The following EMD variants were observed in gnomAD, a reference collection of about 807,000 sequenced individuals.
EMD encodes the protein LEM domain containing 5.
EMD carries 2 observed loss-of-function variants against 15.2 expected under a neutral mutation model. The ratio of observed to expected loss-of-function variants is 0.13; its 90% CI spans 0.05 to 0.41. EMD has a LOEUF of 0.41. Among genes scored for constraint, EMD ranks in the 10% least tolerant of loss-of-function variants. EMD has a pLI of 0.99. For missense variants in EMD, 224 were observed against 213.4 expected (o/e 1.05, Z -0.31); for synonymous variants, 122 against 86.2 (o/e 1.42, Z -2.30).
rs374981936 is a variant in EMD, at chrX:154,381,030, T to C, written c.598T>C (p.Trp200Arg). Residue 200 changes from tryptophan to arginine, a missense_variant, in exon 6 of 6, where the codon TGG becomes CGG. Coordinates refer to ENST00000369842, the MANE Select transcript of EMD (RefSeq NM_000117.3). The part of the protein sequence containing the change: ...FMSSSSSSSS[W>R]LTRRAIRPEN... ...GTCCTCCTCATCATCTTCCTCTTCA[T>C]GGCTCACCCGCCGTGCCATCCGGCC... is the stretch of plus-strand genomic sequence containing the variant. 4.2e-5 allele frequency: 51 copies of C among 1,210,525 alleles called. No individual in the cohort carries two copies. Among genetic ancestry groups the C allele is most frequent in the Non-Finnish European group, 5.5e-5 (49 of 895,247 alleles).
chrX:154,380,932 A>G lies in EMD; in HGVS notation c.500A>G (p.Tyr167Cys), dbSNP rs2067884177. The G allele has an allele frequency of 5.8e-6, 7 of 1,211,141 alleles. No homozygotes were observed. Among genetic ancestry groups the G allele is most frequent in the Non-Finnish European group, 7.8e-6 (7 of 895,349 alleles). ...AGTGCCTACCAGAGCATCACGCACT[A>G]CCGCCCTGTTTCAGCCTCCAGGAGC... ...RDSAYQSITH[Y>C]RPVSASRSSL... Residue 167 changes from tyrosine (Y) to cysteine (C), a missense_variant, in exon 6 of 6, where the codon TAC (tyrosine) becomes TGC (cysteine). Tyr to Cys is a radical substitution (Grantham distance 194). Transcript: ENST00000369842.
At position 154,381,178 on chromosome X, in the gene EMD, A is replaced by G. The variant is rs781947413; in HGVS notation, c.746A>G (p.Glu249Gly). The G allele has an allele frequency of 3.9e-5, 47 of 1,206,525 alleles. No homozygotes were observed. Among genetic ancestry groups the G allele is most frequent in the Non-Finnish European group, 5.3e-5 (47 of 893,796 alleles). ...TTCATTTACCACTTCATGCAGGCTG[A>G]AGAAGGCAACCCCTTCTAGAGGGAG... is the stretch of plus-strand genomic sequence containing the variant. ...LFFIYHFMQA[E>G]EGNPF The change falls in exon 6 of 6, where the codon GAA becomes GGA. Residue 249 changes from glutamate to glycine, a missense_variant. Transcript: ENST00000369842.
chrX:154,381,263 CAG>C lies in EMD; in HGVS notation c.*67_*68del. 6.2e-6 allele frequency: 1 copy of C among 162,355 alleles called. No homozygotes were observed. The highest frequency in any genetic ancestry group is 1.1e-5 in the Non-Finnish European group (1 of 94,287). The allele number at this position is 162,355 out of a possible 1,213,427, so 13.4% of individuals were successfully genotyped here. On this transcript the variant is annotated 3_prime_UTR_variant, in exon 6 of 6. Coordinates refer to ENST00000369842, the MANE Select transcript of EMD (RefSeq NM_000117.3). ...GGGAAGTCCTGGCTGACTGCCTTAG[CAG>C]TGGGGGTGGGGGTGGGGGCAGGGGC...
intron 1 of EMD, 34 bp from the exon 2 acceptor site, chrX:154,379,656 G>A: frequency 8.3e-7 from 1 of 1,202,397 alleles, no homozygotes; most frequent in East Asian, 3.0e-5. Context: ...CGCCTTCCCC[G>A]GCCCGCGGCC....
chrX:154,380,475 C>T, intron 4 of EMD, 108 bp downstream of exon 4: 2 of 1,127,378 alleles, frequency 1.8e-6, no homozygotes, highest in Non-Finnish European at 2.4e-6. Flanking sequence ...TCTTGGGCCT[C>T]CGGGGAGACT....
chrX:154,381,101 C>T lies in EMD; in HGVS notation c.669C>T (p.Val223=). The change falls in exon 6 of 6, where the codon GTC becomes GTT. Residue 223 remains valine (V), a synonymous_variant. Transcript: ENST00000369842. ...CTGGGCTGGGCCAGGATCGCCAGGTCCCGCTCTGGGGCCAGCTGCTGCTTT... is the reference window on the plus strand; with the variant it reads ...CTGGGCTGGGCCAGGATCGCCAGGTTCCGCTCTGGGGCCAGCTGCTGCTTT... ...PGAGLGQDRQ[V]PLWGQLLLFL... is the part of the protein sequence containing the mutation. 2.5e-6 allele frequency: 3 copies of T among 1,212,097 alleles called. No homozygotes were observed. The highest frequency in any genetic ancestry group is 2.2e-6 in the Non-Finnish European group (2 of 895,486).
rs1303189631 is a variant in EMD at position 154,380,009 on chromosome X, C to T, written c.255C>T (p.Tyr85=). The stretch of plus-strand genomic sequence containing the variant: ...CCAAGAAAGAGGACGCTTTACTCTA[C>T]CAGAGCAAGGGTAAGGCAGGGGTTG... ...DLPKKEDALL[Y]QSKGYNDDYY... is the part of the protein sequence containing the mutation. The change falls in exon 3 of 6, where the codon TAC becomes TAT. Residue 85 remains tyrosine, a synonymous_variant. Transcript: ENST00000369842. 4.1e-6 allele frequency: 5 copies of T among 1,211,135 alleles called. No homozygotes were observed. The highest frequency in any genetic ancestry group is 3.0e-5 in the East Asian group (1 of 33,859).
In EMD at chrX:154,381,039, C is replaced by G. The variant is rs782461599; in HGVS notation, c.607C>G (p.Arg203Gly). The change falls in exon 6 of 6, where the codon CGC becomes GGC. Residue 203 changes from arginine (R) to glycine (G), a missense_variant. Physicochemically the swap from Arg to Gly is moderately radical, Grantham distance 125. Coordinates refer to ENST00000369842, the MANE Select transcript of EMD (RefSeq NM_000117.3). ...ATCATCTTCCTCTTCATGGCTCACC[C>G]GCCGTGCCATCCGGCCTGAAAACCG... is the stretch of plus-strand genomic sequence containing the variant. ...SSSSSSSWLT[R>G]RAIRPENRAP... 8.3e-7 allele frequency: 1 copy of G among 1,210,764 alleles called. No individual in the cohort carries two copies. Among genetic ancestry groups the G allele is most frequent in the Non-Finnish European group, 1.1e-6 (1 of 895,358 alleles).
chrX:154,380,827 CG>C, intron 5 of EMD, 25 bp downstream of exon 5: 6 of 1,211,853 alleles, frequency 5.0e-6, no homozygotes, highest in Non-Finnish European at 5.6e-6. Flanking sequence ...AGCCCAGGGA[CG>C]GGCTGGTTCT....
chrX:154,379,759 C>T lies in EMD; in HGVS notation c.152C>T (p.Pro51Leu), dbSNP rs2067875460. ...YETQRRRLSP[P>L]SSSAASSYSF... is the part of the protein sequence containing the mutation. ...ACCCAGAGGCGGCGGCTCTCGCCCC[C>T]CAGCTCGTCCGCCGCCTCCTCTTAT... Residue 51 changes from proline (P) to leucine (L), a missense_variant, in exon 2 of 6, where the codon CCC becomes CTC. Coordinates refer to ENST00000369842, the MANE Select transcript of EMD (RefSeq NM_000117.3). The T allele has an allele frequency of 1.7e-6, 2 of 1,206,876 alleles. No homozygotes were observed. The highest frequency in any genetic ancestry group is 3.5e-5 in the South Asian group (2 of 56,472).
chrX:154,379,357 C>A lies in EMD; in HGVS notation c.-128C>A. 1 of 677,863 alleles carries A rather than the reference C, an allele frequency of 1.5e-6. No homozygotes were observed. Among genetic ancestry groups the A allele is most frequent in the Non-Finnish European group, 2.2e-6 (1 of 459,331 alleles). The allele number at this position is 677,863 out of a possible 1,213,427, so 55.9% of individuals were successfully genotyped here. A position where few individuals can be genotyped will look rare whatever the true frequency, so the allele number is the denominator to read the frequency against. ...CGGCTGTGACGCGACAACGATTCGG[C>A]TGTGACGCGAGCGCGGCCGCTCCCG... is the stretch of plus-strand genomic sequence containing the variant. On this transcript the variant is annotated 5_prime_UTR_variant, in exon 1 of 6. It adds an upstream start codon to the 5' untranslated region. Transcript: ENST00000369842.
At position 154,381,322 on chromosome X, in the gene EMD, C is replaced by A. The variant is rs1206873027; in HGVS notation, c.*125C>A. 1.5e-5 allele frequency: 14 copies of A among 933,509 alleles called. No homozygotes were observed. The African/African-American group carries it at 2.8e-4, about 18-fold the overall frequency. 76.9% of individuals were successfully genotyped at this position (933,509 alleles called of 1,213,427 possible). ...TTTATGTGTTTTTGCTTGGGGGGCG[C>A]TGGGCCTAGCCCAGAGTAGTGCTTG... On this transcript the variant is annotated 3_prime_UTR_variant, in exon 6 of 6. Coordinates refer to ENST00000369842, the MANE Select transcript of EMD (RefSeq NM_000117.3).
rs782558454 is a variant in EMD at position 154,380,921 on chromosome X, C to T, written c.489C>T (p.Ser163=). ...ACGGCCGGGACAGTGCCTACCAGAG[C>T]ATCACGCACTACCGCCCTGTTTCAG... is the stretch of plus-strand genomic sequence containing the variant. ...PMYGRDSAYQ[S]ITHYRPVSAS... Residue 163 remains serine, a synonymous_variant, in exon 6 of 6, where the codon AGC becomes AGT. Transcript: ENST00000369842. The T allele has an allele frequency of 1.7e-6, 2 of 1,211,800 alleles. No individual in the cohort carries two copies. The highest frequency in any genetic ancestry group is 5.9e-5 in the East Asian group (2 of 33,834).
chrX:154,380,185 G>C lies in EMD; in HGVS notation c.266-49G>C, dbSNP rs782392833. 1.5e-5 allele frequency: 18 copies of C among 1,205,284 alleles called. No homozygotes were observed. The East Asian group carries it at 5.6e-4, about 37-fold the overall frequency. ...GATTCAGATTAGGGCCATCAGGCCA[G>C]GCGGGGCACACCGATGCCCCCTCTG... On this transcript the variant is annotated intron_variant, in intron 3 of 5. Transcript: ENST00000369842.
chrX:154,380,199 A>ATGCCCCCTCTGCTACCGC, intron 3 of EMD, 35 bp from the exon 4 acceptor site: 1 of 1,210,464 alleles, frequency 8.3e-7, no homozygotes, highest in Non-Finnish European at 1.1e-6. Flanking sequence ...GGGCACACCG[A>ATGCCCCCTCTGCTACCGC]TGCCCCCTCT....
rs1557182296 is a variant in EMD at position 154,379,740 on chromosome X, A to G, written c.133A>G (p.Arg45Gly). 8.3e-7 allele frequency: 1 copy of G among 1,208,655 alleles called. No homozygotes were observed. Among genetic ancestry groups the G allele is most frequent in the East Asian group, 3.0e-5 (1 of 33,800 alleles). Residue 45 changes from arginine to glycine, a missense_variant, in exon 2 of 6, where the codon AGG (arginine) becomes GGG (glycine). Transcript: ENST00000369842. ...GAAGATCTTCGAGTACGAGACCCAG[A>G]GGCGGCGGCTCTCGCCCCCCAGCTC... ...EKKIFEYETQ[R>G]RRLSPPSSSA...
At position 154,380,788 on chromosome X, in the gene EMD, G is replaced by C. The variant is rs1557182561; in HGVS notation, c.435G>C (p.Glu145Asp). The change falls in exon 5 of 6, where the codon GAG becomes GAC. Residue 145 changes from glutamate (E) to aspartate (D), a missense_variant. Glu to Asp is a conservative substitution (Grantham distance 45, BLOSUM62 2). Transcript: ENST00000369842. Reference sequence around the variant, plus strand: ...ACGATCTTTTGTCTTCTTCTGAAGAGGAGTGCAAGGATAGGTGCGTAGTGG... The same window carrying C: ...ACGATCTTTTGTCTTCTTCTGAAGACGAGTGCAAGGATAGGTGCGTAGTGG... ...HDDDLLSSSEEECKDRERPMY... is the reference protein window; with the variant it reads ...HDDDLLSSSEDECKDRERPMY... 1 of 1,212,043 alleles carries C rather than the reference G, an allele frequency of 8.3e-7. No individual in the cohort carries two copies. Among genetic ancestry groups the C allele is most frequent in the East Asian group, 3.0e-5 (1 of 33,838 alleles).
intron 4 of EMD, 187 bp from the exon 5 acceptor site, chrX:154,380,566 G>A (rs2067881422): frequency 1.2e-6 from 1 of 841,302 alleles, no homozygotes; most frequent in South Asian, 2.3e-5. Flanking sequence ...GGATGCTGGG[G>A]CATGAGCACA....
chrX:154,379,899 A>T (rs1391268573), intron 2 of EMD, 43 bp from the exon 3 acceptor site: 1 of 1,191,315 alleles, frequency 8.4e-7, no homozygotes, highest in African/African-American at 1.7e-5. Context: ...AGGGGAGGGA[A>T]GTCTGGGGGG....
Sources: gnomAD v4.1 joint callset for allele counts on GRCh38, gnomAD v4.1.1 for gene constraint, MANE v1.5 for transcripts, NCBI Gene and HGNC (gene_info 2026-07-23, HGNC 2026-07-21) for gene names.